The following WDR70 variants were observed in gnomAD, a reference collection of about 807,000 sequenced individuals.
WDR70 encodes the protein WD repeat domain 70.
A neutral mutation model predicts 88.6 loss-of-function variants in WDR70; 53 were observed. The ratio of observed to expected loss-of-function variants is 0.60; its 90% CI spans 0.48 to 0.75. The LOEUF is 0.75. WDR70 is among the 30% of genes least tolerant of loss of function. The pLI is 0.00. For synonymous variants in WDR70, 280 were observed against 270.0 expected (o/e 1.04, Z -0.36); for missense variants, 610 against 823.2 (o/e 0.74, Z 3.17).
intron 9 of WDR70, among the ~76,000 whole-genome samples, chr5:37,590,700 A>C (rs1743506915): frequency 6.6e-6 from 1 of 152,178 alleles, no homozygotes. Flanking sequence ...TAAGCCAAGG[A>C]GGCCAAGGAA....
chr5:37,725,659 C>T (rs1399892049), intron 16 of WDR70, among the ~76,000 whole-genome samples: 4 of 152,084 alleles, frequency 2.6e-5, no homozygotes, highest in African/African-American at 4.8e-5. Context: ...TTTTGCATAT[C>T]TATCTTAATT....
chr5:37,452,636 C>T (rs1238455781), intron 7 of WDR70, among the ~76,000 whole-genome samples: 1 of 152,206 alleles, frequency 6.6e-6, no homozygotes, highest in East Asian at 1.9e-4. Context: ...GCCTATAACT[C>T]AGCTAAATTC....
chr5:37,585,324 A>G (rs1333308290), intron 9 of WDR70, among the ~76,000 whole-genome samples: 1 of 152,048 alleles, frequency 6.6e-6, no homozygotes, highest in Non-Finnish European at 1.5e-5. Flanking sequence ...ATCCACATAC[A>G]ATTTTTTATC....
At chr5:37,639,224 A>G (rs1184649405) in intron 10 of WDR70, among the ~76,000 whole-genome samples, 2 of 152,152 alleles carry the variant, frequency 1.3e-5, no homozygotes, top group Non-Finnish European at 1.5e-5. Flanking sequence ...TTTCCTGACA[A>G]TTTTACACAT....
At chr5:37,542,733 G>A (rs1348000654) in intron 9 of WDR70, among the ~76,000 whole-genome samples, 1 of 152,188 alleles carries the variant, frequency 6.6e-6, no homozygotes, top group African/African-American at 2.4e-5. Context: ...CCCAAGAAAA[G>A]AAGGAAAGAA....
rs1740942506 is a variant in WDR70 at position 37,517,916 on chromosome 5, T to G, written c.917+1326T>G. 2.0e-5 allele frequency among the ~76,000 whole-genome samples: 3 copies of G among 148,466 alleles called. No homozygotes were observed. The South Asian group carries it at 6.3e-4, about 31-fold the overall frequency. ...ATTATATTATTTATTTTATTTATTA[T>G]ATTATTTATTTTTTTGAGATGGAGT... On this transcript the variant is annotated intron_variant, in intron 9 of 17. Transcript: ENST00000265107.
chr5:37,531,796 G>T (rs1026074676), intron 9 of WDR70, among the ~76,000 whole-genome samples: 1 of 150,192 alleles, frequency 6.7e-6, no homozygotes, highest in Middle Eastern at 3.4e-3. Context: ...TCTATTCATT[G>T]TGCTATTTGT....
At chr5:37,698,982 C>T (rs1339638006) in intron 11 of WDR70, among the ~76,000 whole-genome samples, 1 of 151,992 alleles carries the variant, frequency 6.6e-6, no homozygotes, top group African/African-American at 2.4e-5. Flanking sequence ...GAGATGATTC[C>T]CAATTAAAAT....
intron 10 of WDR70, among the ~76,000 whole-genome samples, chr5:37,611,335 A>G (rs1374364262): frequency 1.3e-5 from 2 of 152,050 alleles, no homozygotes; most frequent in African/African-American, 4.8e-5. Flanking sequence ...ATATTCTTAT[A>G]AAGCTGTCAT....
In WDR70 at chr5:37,521,375, G is replaced by A. The variant is rs114839242; in HGVS notation, c.917+4785G>A. Among the ~76,000 whole-genome samples the A allele has an allele frequency of 1.5e-3, 223 of 152,228 alleles. 3 individuals carry two copies. The highest frequency in any genetic ancestry group is 5.2e-3 in the African/African-American group (215 of 41,548). On this transcript the variant is annotated intron_variant, in intron 9 of 17. Coordinates refer to ENST00000265107, the MANE Select transcript of WDR70 (RefSeq NM_018034.4). ...ATTTCAGTAGGTTTTTGGGGGACAAGTGGTATTTGATTACATGAATAAGTT... is the reference window on the plus strand; with the variant it reads ...ATTTCAGTAGGTTTTTGGGGGACAAATGGTATTTGATTACATGAATAAGTT...
chr5:37,666,836 T>C (rs568385728), intron 10 of WDR70, among the ~76,000 whole-genome samples: 1 of 152,142 alleles, frequency 6.6e-6, no homozygotes, highest in South Asian at 2.1e-4. Context: ...GTCACATGTC[T>C]AGGGTAACTA....
At chr5:37,663,981 T>C (rs1453362647) in intron 10 of WDR70, among the ~76,000 whole-genome samples, 1 of 152,212 alleles carries the variant, frequency 6.6e-6, no homozygotes, top group East Asian at 1.9e-4. Flanking sequence ...ACTTTTTTTA[T>C]TGCCAGGTTT....
intron 13 of WDR70, among the ~76,000 whole-genome samples, chr5:37,715,492 AG>A (rs1747628731): frequency 6.6e-6 from 1 of 152,134 alleles, no homozygotes; most frequent in African/African-American, 2.4e-5. Flanking sequence ...TTTTCCATTG[AG>A]GGGATATCTG....
intron 5 of WDR70, among the ~76,000 whole-genome samples, chr5:37,427,404 A>T (rs1289350708): frequency 2.0e-5 from 3 of 152,164 alleles, no homozygotes; most frequent in South Asian, 4.2e-4. Flanking sequence ...TAAAAAATAA[A>T]AAAAAAAAGA....
At chr5:37,483,011 A>G (rs1025944030) in intron 8 of WDR70, among the ~76,000 whole-genome samples, 1 of 151,438 alleles carries the variant, frequency 6.6e-6, no homozygotes, top group African/African-American at 2.4e-5. Flanking sequence ...GCTTGTGAAT[A>G]GCCACTAGCC....
chr5:37,718,950 T>A (rs950428635), intron 13 of WDR70, among the ~76,000 whole-genome samples: 6 of 152,056 alleles, frequency 3.9e-5, no homozygotes, highest in Non-Finnish European at 7.4e-5. Flanking sequence ...ATACATGCTA[T>A]AAAAAAAGAA....
Position 37,472,691 on chromosome 5 carries a change from G to A in WDR70, c.687-7143G>A, listed in dbSNP as rs192023714. ...TTTTTGTACTTTTAGTAGAGATGGG[G>A]TTTTGCCATTTTGGCCAGGTTGATC... On this transcript the variant is annotated intron_variant, in intron 7 of 17. Coordinates refer to ENST00000265107, the MANE Select transcript of WDR70 (RefSeq NM_018034.4). Among the ~76,000 whole-genome samples the A allele has an allele frequency of 2.7e-3, 415 of 152,010 alleles. 3 individuals carry two copies. Among genetic ancestry groups the A allele is most frequent in the African/African-American group, 9.7e-3 (402 of 41,330 alleles).
Position 37,686,735 on chromosome 5 carries a change from G to A in WDR70, c.1093-10920G>A, listed in dbSNP as rs190163206. 2.2e-3 allele frequency among the ~76,000 whole-genome samples: 334 copies of A among 151,806 alleles called. 1 individual carries two copies. The highest frequency in any genetic ancestry group is 7.2e-3 in the African/African-American group (300 of 41,392). The stretch of plus-strand genomic sequence containing the variant: ...CCATGACCATCTGCTGAGAAAAGAG[G>A]TATACAGACAATTTTTCCAATTGGG... On this transcript the variant is annotated intron_variant, in intron 10 of 17. Transcript: ENST00000265107.
intron 9 of WDR70, among the ~76,000 whole-genome samples, chr5:37,551,205 C>CGAGGCAGGAGAATCACTTGAACCCGG (rs1742134313): frequency 6.6e-6 from 1 of 151,452 alleles, no homozygotes; most frequent in South Asian, 2.1e-4. Context: ...CTCAGGAGGC[C>CGAGGCAGGAGAATCACTTGAACCCGG]GAGGCAGGAG....
Sources: allele counts gnomAD v4.1 joint callset (sites outside exome capture counted in the v4.1 genomes callset), GRCh38; gene constraint gnomAD v4.1.1; transcripts MANE v1.5; gene names NCBI Gene and HGNC (gene_info 2026-07-23, HGNC 2026-07-21).